Variants in FAT3 observed in about 807,000 individuals in gnomAD.
FAT3 encodes the protein protocadherin Fat 3.
FAT3 carries 95 observed loss-of-function variants against 310.2 expected under a neutral mutation model. That is an observed-to-expected ratio of 0.31 (90% CI 0.26 to 0.36). FAT3 has a LOEUF of 0.36. Among genes scored for constraint, FAT3 ranks in the 10% least tolerant of loss-of-function variants. The pLI is 1.00. For synonymous variants in FAT3, 2,314 were observed against 2,192.9 expected (o/e 1.06, Z -1.54); for missense variants, 5,408 against 5,715.6 (o/e 0.95, Z 1.74).
intron 2 of FAT3, among the ~76,000 whole-genome samples, chr11:92,393,517 G>A (rs1949794252): frequency 6.6e-6 from 1 of 152,160 alleles, no homozygotes; most frequent in Non-Finnish European, 1.5e-5. Context: ...AGTCTTTCAG[G>A]GGTGAGGCAT....
At chr11:92,794,821 G>A (rs1271308375) in intron 9 of FAT3, among the ~76,000 whole-genome samples, 1 of 152,310 alleles carries the variant, frequency 6.6e-6, no homozygotes. Flanking sequence ...GACCAGCAGG[G>A]CTCTTCACAG....
Position 92,315,500 on chromosome 11 carries a change from TATATATATATATAGAG to T in FAT3, c.-17-36594_-17-36579del, listed in dbSNP as rs1283760747. ...GTGTGTATATATATATATATATATA[TATATATATATATAGAG>T]AGAGAGAGAGAGAGAGAGAGAGAGA... On this transcript the variant is annotated intron_variant, in intron 1 of 27. Coordinates refer to ENST00000525166, the MANE Select transcript of FAT3 (RefSeq NM_001367949.2). Among the ~76,000 whole-genome samples the T allele has an allele frequency of 4.2e-4, 39 of 92,248 alleles. 1 individual carries two copies. The highest frequency in any genetic ancestry group is 1.0e-3 in the African/African-American group (26 of 25,044). The allele number at this position is 92,248 out of a possible 152,430, so 60.5% of individuals were successfully genotyped here.
chr11:92,317,294 T>C (rs1324341559), intron 1 of FAT3, among the ~76,000 whole-genome samples: 1 of 152,204 alleles, frequency 6.6e-6, no homozygotes, highest in East Asian at 1.9e-4. Flanking sequence ...TTATTTTTTC[T>C]CCAGTGGAAG....
At chr11:92,795,165 A>G (rs1261749793) in intron 9 of FAT3, among the ~76,000 whole-genome samples, 2 of 152,082 alleles carry the variant, frequency 1.3e-5, no homozygotes, top group East Asian at 1.9e-4. Context: ...TTTGGTGTCA[A>G]TGGTGAGTCT....
At chr11:92,339,324 C>G (rs1005286674) in intron 1 of FAT3, among the ~76,000 whole-genome samples, 2 of 152,138 alleles carry the variant, frequency 1.3e-5, no homozygotes, top group Non-Finnish European at 2.9e-5. Context: ...TTGCCCCTTA[C>G]TCTATGGGAA....
intron 3 of FAT3, among the ~76,000 whole-genome samples, chr11:92,578,940 A>T (rs1273856006): frequency 6.6e-6 from 1 of 152,160 alleles, no homozygotes; most frequent in African/African-American, 2.4e-5. Context: ...AAGGAATGAA[A>T]AACTGATGAA....
chr11:92,398,935 T>C (rs2134854759), intron 2 of FAT3, among the ~76,000 whole-genome samples: 1 of 152,250 alleles, frequency 6.6e-6, no homozygotes. Context: ...CAGAGGATTG[T>C]AGTGAGAATG....
chr11:92,373,752 A>T (rs1373059740), intron 2 of FAT3, among the ~76,000 whole-genome samples: 2 of 147,526 alleles, frequency 1.4e-5, no homozygotes, highest in Non-Finnish European at 3.0e-5. Context: ...ACCAGTGGAG[A>T]TATGTATGCA....
chr11:92,231,076 A>G (rs749065751), intron 1 of FAT3, among the ~76,000 whole-genome samples: 3 of 152,226 alleles, frequency 2.0e-5, no homozygotes, highest in African/African-American at 7.2e-5. Context: ...GAATTTATTC[A>G]TGTCCTTTCT....
chr11:92,670,137 T>C (rs1237760510), intron 3 of FAT3, among the ~76,000 whole-genome samples: 1 of 152,210 alleles, frequency 6.6e-6, no homozygotes, highest in Non-Finnish European at 1.5e-5. Flanking sequence ...TTTTTTCTTT[T>C]TGCTGCTGCC....
At chr11:92,707,799 A>G (rs1163306202) in intron 4 of FAT3, among the ~76,000 whole-genome samples, 2 of 152,192 alleles carry the variant, frequency 1.3e-5, no homozygotes, top group Non-Finnish European at 2.9e-5. Flanking sequence ...TTCAGAAACC[A>G]CTGAAGCTCA....
intron 3 of FAT3, among the ~76,000 whole-genome samples, chr11:92,613,742 A>AG (rs1447767515): frequency 1.3e-5 from 2 of 152,184 alleles, no homozygotes; most frequent in Non-Finnish European, 2.9e-5. Flanking sequence ...GGAGTAAAAT[A>AG]AGTGATAGAG....
chr11:92,655,765 G>A (rs576546609), intron 3 of FAT3, among the ~76,000 whole-genome samples: 1 of 152,102 alleles, frequency 6.6e-6, no homozygotes, highest in East Asian at 1.9e-4. Flanking sequence ...TTCCTTTATT[G>A]CCGTCAATGG....
intron 9 of FAT3, 36 bp from the exon 10 acceptor site, chr11:92,797,800 A>C (rs754019743): frequency 6.4e-7 from 1 of 1,569,654 alleles, no homozygotes; most frequent in South Asian, 1.2e-5. Context: ...AGTGACCCAC[A>C]TGTAACTCAT....
rs1180466453 is a variant in FAT3 at position 92,886,999 on chromosome 11, G to A, written c.12938-1G>A. ...TGCTTTCTCTTTCACTGTCCATGAA[G>A]ACAAAGGGGTTGATGACCCGGGAGA... On this transcript the variant is annotated splice_acceptor_variant, in intron 24 of 27. Transcript: ENST00000525166. LOFTEE classifies it high-confidence loss of function. 1.9e-6 allele frequency: 3 copies of A among 1,598,614 alleles called. No homozygotes were observed. Among genetic ancestry groups the A allele is most frequent in the Non-Finnish European group, 1.7e-6 (2 of 1,172,504 alleles).
At chr11:92,844,816 A>G (rs1424282640) in intron 19 of FAT3, 84 bp downstream of exon 19, 16 of 1,361,648 alleles carry the variant, frequency 1.2e-5, no homozygotes, top group East Asian at 2.5e-5. Flanking sequence ...CCTGCATTCA[A>G]TCATTCGTTC....
At chr11:92,598,818 A>G (rs1361926570) in intron 3 of FAT3, among the ~76,000 whole-genome samples, 5 of 152,174 alleles carry the variant, frequency 3.3e-5, no homozygotes, top group Non-Finnish European at 5.9e-5. Flanking sequence ...AGTTTCTCCT[A>G]TGTGATGATG....
At chr11:92,752,228 A>G (rs1565565428) in intron 4 of FAT3, among the ~76,000 whole-genome samples, 1 of 152,254 alleles carries the variant, frequency 6.6e-6, no homozygotes, top group Non-Finnish European at 1.5e-5. Flanking sequence ...TACCAAAACA[A>G]GCAAACAGAT....
intron 1 of FAT3, among the ~76,000 whole-genome samples, chr11:92,286,133 C>T (rs755260388): frequency 6.6e-6 from 1 of 152,088 alleles, no homozygotes; most frequent in Non-Finnish European, 1.5e-5. Context: ...GTTCCTAATG[C>T]GAAACTCTCC....
Sources: allele counts gnomAD v4.1 joint callset (sites outside exome capture counted in the v4.1 genomes callset), GRCh38; gene constraint gnomAD v4.1.1; transcripts MANE v1.5; gene names NCBI Gene and HGNC (gene_info 2026-07-23, HGNC 2026-07-21).